The following SORBS2 variants were observed in gnomAD, a reference collection of about 807,000 sequenced individuals.
SORBS2 encodes the protein sorbin and SH3 domain containing 2.
A neutral mutation model predicts 97.7 loss-of-function variants in SORBS2; 46 were observed. The ratio of observed to expected loss-of-function variants is 0.47; its 90% CI spans 0.37 to 0.60. The LOEUF (loss-of-function observed/expected upper bound fraction) is 0.60. Ranked by LOEUF, SORBS2 falls within the 20% of genes least tolerant of loss-of-function variation. The pLI is 0.00. For missense variants in SORBS2, 1,316 were observed against 1,282.3 expected, an observed-to-expected ratio of 1.03 and a Z score of -0.40; for synonymous variants, 476 against 473.4, an observed-to-expected ratio of 1.01 and a Z score of -0.07.
chr4:185,605,161 T>A (rs894091639), intron 12 of SORBS2, among the ~76,000 whole-genome samples: 2 of 152,244 alleles, frequency 1.3e-5, no homozygotes, highest in Non-Finnish European at 2.9e-5. Flanking sequence ...ATACAGGAAC[T>A]ATGAAAGAAT....
At chr4:185,826,370 G>A (rs763010407) in intron 1 of SORBS2, among the ~76,000 whole-genome samples, 4 of 152,144 alleles carry the variant, frequency 2.6e-5, no homozygotes, top group East Asian at 1.9e-4. Context: ...CCTGGTCTAC[G>A]ATCACCACAA....
chr4:185,674,021 T>C (rs1410197543), intron 4 of SORBS2, among the ~76,000 whole-genome samples: 3 of 152,082 alleles, frequency 2.0e-5, no homozygotes, highest in African/African-American at 7.2e-5. Context: ...CAACTCTTGG[T>C]CCTCCCCTTT....
chr4:185,924,764 G>T (rs556956588), intron 1 of SORBS2, among the ~76,000 whole-genome samples: 1 of 152,140 alleles, frequency 6.6e-6, no homozygotes, highest in African/African-American at 2.4e-5. Flanking sequence ...CTTTGCTGCC[G>T]CACAGCGAGT....
intron 5 of SORBS2, among the ~76,000 whole-genome samples, 198 bp downstream of exon 17, chr4:185,630,351 T>C (rs570980372): frequency 6.6e-6 from 1 of 152,266 alleles, no homozygotes; most frequent in African/African-American, 2.4e-5. Flanking sequence ...TTATAATTAG[T>C]TCACTAATTT....
At chr4:185,835,256 A>G (rs577954108) in intron 1 of SORBS2, among the ~76,000 whole-genome samples, 36 of 152,226 alleles carry the variant, frequency 2.4e-4, no homozygotes, top group Non-Finnish European at 4.0e-4. Context: ...ATTTCTTTAT[A>G]GCAATGCAAG....
intron 1 of SORBS2, among the ~76,000 whole-genome samples, chr4:185,871,312 A>G (rs1345458261): frequency 6.6e-6 from 1 of 152,220 alleles, no homozygotes; most frequent in African/African-American, 2.4e-5. Context: ...CACTAAGCCC[A>G]TGAAACAAAG....
intron 1 of SORBS2, among the ~76,000 whole-genome samples, chr4:185,941,070 C>A (rs192483502): frequency 1.9e-3 from 296 of 152,282 alleles, no homozygotes; most frequent in Middle Eastern, 0.017. Flanking sequence ...GGTTGAAAAA[C>A]CATGCCATTC....
Position 185,623,765 on chromosome 4 carries a change from A to G in SORBS2, c.1364T>C (p.Ile455Thr), listed in dbSNP as rs776953894. The change falls in exon 7 of 15, where the codon ATT (isoleucine) becomes ACT (threonine). Residue 455 changes from isoleucine to threonine, a missense_variant. By Grantham distance (89) the Ile-to-Thr change is moderately conservative (BLOSUM62 -1). Transcript: ENST00000418609. The surrounding 1 kb of genome is among the most constrained non-coding windows in gnomAD (Gnocchi z 6.4). ...ATTTTCTTCCTCCAGCAAATACTCA[A>G]TGGAAAACCGCCTCTTGGGACATAG... The G allele has an allele frequency of 1.9e-6, 3 of 1,614,060 alleles. No individual in the cohort carries two copies. Among genetic ancestry groups the G allele is most frequent in the South Asian group, 1.1e-5 (1 of 91,086 alleles).
At chr4:185,887,793 A>T (rs1191840666) in intron 1 of SORBS2, among the ~76,000 whole-genome samples, 2 of 152,180 alleles carry the variant, frequency 1.3e-5, no homozygotes, top group Admixed American at 1.3e-4. Context: ...CTGGAGAGTT[A>T]TTAAGAAGAT....
At chr4:185,838,530 C>G (rs1188972493) in intron 1 of SORBS2, among the ~76,000 whole-genome samples, 1 of 152,194 alleles carries the variant, frequency 6.6e-6, no homozygotes, top group South Asian at 2.1e-4. Context: ...CCAGCAGATT[C>G]GAGATGCAGT....
At chr4:185,810,399 G>A (rs1203937456) in intron 1 of SORBS2, among the ~76,000 whole-genome samples, 1 of 152,194 alleles carries the variant, frequency 6.6e-6, no homozygotes, top group Non-Finnish European at 1.5e-5. Flanking sequence ...ATGTCATCCA[G>A]ATTTTGGAGG....
At chr4:185,875,680 C>T (rs916633337) in intron 1 of SORBS2, among the ~76,000 whole-genome samples, 1 of 152,248 alleles carries the variant, frequency 6.6e-6, no homozygotes, top group African/African-American at 2.4e-5. Context: ...CAGCCCTCTG[C>T]TCCCTTTAGA....
chr4:185,834,208 G>A (rs958899512), intron 1 of SORBS2, among the ~76,000 whole-genome samples: 1 of 152,134 alleles, frequency 6.6e-6, no homozygotes, highest in Admixed American at 6.5e-5. Context: ...TGCTTCTGGG[G>A]AGGATTCAGA....
intron 2 of SORBS2, among the ~76,000 whole-genome samples, chr4:185,697,716 A>C (rs2098197647): frequency 6.6e-6 from 1 of 152,198 alleles, no homozygotes; most frequent in Non-Finnish European, 1.5e-5. Context: ...CAAATTGCAG[A>C]GTGATAACAT....
intron 3 of SORBS2, among the ~76,000 whole-genome samples, chr4:185,647,796 C>A (rs955872770): frequency 6.6e-6 from 1 of 152,096 alleles, no homozygotes; most frequent in Non-Finnish European, 1.5e-5. Context: ...TTCTTCCTTG[C>A]AGAGGAGTTT....
At chr4:185,887,261 A>C (rs112907254) in intron 1 of SORBS2, among the ~76,000 whole-genome samples, 121 of 152,358 alleles carry the variant, frequency 7.9e-4, no homozygotes, top group African/African-American at 2.9e-3. Flanking sequence ...AGAACCCTAC[A>C]TGGGCCGGGT....
chr4:185,677,136 A>G, intron 4 of SORBS2: 1 of 1,551,712 alleles, frequency 6.4e-7, no homozygotes, highest in Non-Finnish European at 8.7e-7. Flanking sequence ...AAGGGGAGCT[A>G]TCTGAATGGA....
chr4:185,901,216 T>A (rs75701233), intron 1 of SORBS2, among the ~76,000 whole-genome samples: 1 of 152,144 alleles, frequency 6.6e-6, no homozygotes, highest in Non-Finnish European at 1.5e-5. Context: ...TTTTTTTTTT[T>A]AATTGAGATG....
intron 1 of SORBS2, among the ~76,000 whole-genome samples, chr4:185,953,743 C>T (rs2099278315): frequency 6.6e-6 from 1 of 152,188 alleles, no homozygotes; most frequent in African/African-American, 2.4e-5. Context: ...AGGTGGGAAT[C>T]GATTTTATCA....
Sources: gnomAD v4.1 joint callset for allele counts (sites outside exome capture counted in the v4.1 genomes callset) on GRCh38, gnomAD v4.1.1 for gene constraint, Gnocchi (gnomAD v3.1) non-coding constraint, MANE v1.5 for transcripts, NCBI Gene and HGNC (gene_info 2026-07-23, HGNC 2026-07-21) for gene names.